The following ROBO2 variants were observed in gnomAD, a reference collection of about 807,000 sequenced individuals.
ROBO2 encodes the protein roundabout guidance receptor 2, also known as roundabout homolog 2.
ROBO2 carries 53 observed loss-of-function variants against 160.8 expected under a neutral mutation model. The ratio of observed to expected loss-of-function variants is 0.33; its 90% CI spans 0.26 to 0.41. The LOEUF is 0.41. Among genes scored for constraint, ROBO2 ranks in the 10% least tolerant of loss-of-function variants. The pLI is 1.00. For synonymous variants in ROBO2, 664 were observed against 611.7 expected (o/e 1.09, Z -1.26); for missense variants, 1,577 against 1,722.4 (o/e 0.92, Z 1.49).
At chr3:77,361,478 A>G (rs751452999) in intron 2 of ROBO2, among the ~76,000 whole-genome samples, 83 of 152,298 alleles carry the variant, frequency 5.4e-4, no homozygotes, top group Non-Finnish European at 1.0e-3. Flanking sequence ...TCAGGTTGCT[A>G]TAAGAAAGAC....
chr3:77,153,003 T>C (rs1009919259), intron 2 of ROBO2, among the ~76,000 whole-genome samples: 1 of 152,190 alleles, frequency 6.6e-6, no homozygotes, highest in African/African-American at 2.4e-5. Context: ...ACATTTTATA[T>C]AAATGGAATT....
chr3:77,304,096 A>G (rs1391755027), intron 2 of ROBO2, among the ~76,000 whole-genome samples: 1 of 152,170 alleles, frequency 6.6e-6, no homozygotes, highest in African/African-American at 2.4e-5. Flanking sequence ...AGGACCAGCC[A>G]TGGACATATG....
intron 2 of ROBO2, among the ~76,000 whole-genome samples, chr3:76,715,310 C>T (rs2093362207): frequency 6.6e-6 from 1 of 152,114 alleles, no homozygotes; most frequent in South Asian, 2.1e-4. Context: ...ATACCACCAC[C>T]ACTAACATCA....
intron 2 of ROBO2, among the ~76,000 whole-genome samples, chr3:76,775,187 T>C (rs2062164577): frequency 6.6e-6 from 1 of 150,736 alleles, no homozygotes; most frequent in Non-Finnish European, 1.5e-5. Flanking sequence ...TCCTAATGGA[T>C]ACCTAACTGC....
At chr3:77,225,741 A>C (rs935710440) in intron 2 of ROBO2, among the ~76,000 whole-genome samples, 2 of 152,184 alleles carry the variant, frequency 1.3e-5, no homozygotes, top group African/African-American at 4.8e-5. Context: ...AAATACACTT[A>C]ATAGTGTAAA....
intron 16 of ROBO2, among the ~76,000 whole-genome samples, chr3:77,583,152 C>CAAAAAAAAAAAAAAAAA (rs56827523): frequency 1.9e-5 from 1 of 53,770 alleles, no homozygotes. Flanking sequence ...TCTGTCTCTC[C>CAAAAAAAAAAAAAAAAA]AAAAAAAAAA....
intron 1 of ROBO2, among the ~76,000 whole-genome samples, chr3:75,912,938 A>G (rs1162058759): frequency 1.3e-5 from 2 of 152,220 alleles, no homozygotes; most frequent in East Asian, 1.9e-4. Flanking sequence ...TACTGCTGCT[A>G]TAACAAATTA....
In ROBO2 at chr3:77,647,068, C is replaced by T. The variant is rs886058880; in HGVS notation, c.*1013C>T. On this transcript the variant is annotated 3_prime_UTR_variant, in exon 26 of 26. Coordinates refer to ENST00000461745, the Ensembl canonical transcript of ROBO2. ...ACAAAATGAACTCTAGAATATCTAG[C>T]AAATAGTTAAAGAAGCAATTTATTA... 17 of 152,432 alleles carry T rather than the reference C, an allele frequency of 1.1e-4. No individual in the cohort carries two copies. Among genetic ancestry groups the T allele is most frequent in the Non-Finnish European group, 1.9e-4 (13 of 67,950 alleles). 9.4% of individuals were successfully genotyped at this position (152,432 alleles called of 1,614,324 possible).
At chr3:76,166,443 C>T (rs2072841368) in intron 2 of ROBO2, among the ~76,000 whole-genome samples, 1 of 152,132 alleles carries the variant, frequency 6.6e-6, no homozygotes, top group Admixed American at 6.6e-5. Flanking sequence ...TCCTCATCAT[C>T]GTCTAATTTA....
chr3:76,153,436 G>GT (rs909467732), intron 2 of ROBO2, among the ~76,000 whole-genome samples: 1 of 152,128 alleles, frequency 6.6e-6, no homozygotes, highest in African/African-American at 2.4e-5. Context: ...AAAGCATTGA[G>GT]TTTTTTGTTG....
chr3:76,605,671 T>C (rs979679837), intron 2 of ROBO2, among the ~76,000 whole-genome samples: 15 of 152,076 alleles, frequency 9.9e-5, no homozygotes, highest in African/African-American at 1.2e-4. Context: ...GGATAATAGA[T>C]TTGTAAATCA....
intron 2 of ROBO2, among the ~76,000 whole-genome samples, chr3:76,015,039 C>T (rs1176564475): frequency 6.6e-6 from 1 of 152,162 alleles, no homozygotes; most frequent in African/African-American, 2.4e-5. Flanking sequence ...TGGTATCATT[C>T]TGTGTATTCA....
intron 2 of ROBO2, among the ~76,000 whole-genome samples, chr3:77,192,915 A>G (rs1250964869): frequency 6.6e-6 from 1 of 151,962 alleles, no homozygotes; most frequent in Non-Finnish European, 1.5e-5. Context: ...CAGTCTCCAA[A>G]AGTGCTGGGA....
At chr3:76,190,021 T>G (rs962437661) in intron 2 of ROBO2, among the ~76,000 whole-genome samples, 1 of 152,116 alleles carries the variant, frequency 6.6e-6, no homozygotes, top group Non-Finnish European at 1.5e-5. Flanking sequence ...TGTTCAGCTG[T>G]ATTTTTTTGA....
intron 2 of ROBO2, among the ~76,000 whole-genome samples, chr3:76,409,014 T>C (rs1254333846): frequency 6.6e-6 from 1 of 151,988 alleles, no homozygotes; most frequent in Non-Finnish European, 1.5e-5. Flanking sequence ...ACTGGGGTAT[T>C]AATATGTGAA....
At chr3:76,679,191 C>A (rs1221690035) in intron 2 of ROBO2, among the ~76,000 whole-genome samples, 2 of 152,136 alleles carry the variant, frequency 1.3e-5, no homozygotes, top group Non-Finnish European at 2.9e-5. Context: ...ATAACACCCT[C>A]ATTTTTTAAT....
chr3:77,549,551 A>T (rs898513896), intron 7 of ROBO2, among the ~76,000 whole-genome samples: 1 of 152,008 alleles, frequency 6.6e-6, no homozygotes, highest in African/African-American at 2.4e-5. Context: ...CTCGTTTTAG[A>T]CGGAGTTTAA....
chr3:76,328,077 T>G (rs1488091629), intron 2 of ROBO2, among the ~76,000 whole-genome samples: 3 of 152,240 alleles, frequency 2.0e-5, no homozygotes, highest in African/African-American at 4.8e-5. Flanking sequence ...AATTGATTCT[T>G]TAAGAAGTCC....
In ROBO2 at chr3:76,264,782, T is replaced by C. The variant is rs183060656; in HGVS notation, c.109+327180T>C. 2.3e-3 allele frequency among the ~76,000 whole-genome samples: 351 copies of C among 152,270 alleles called. 3 individuals carry two copies. Among genetic ancestry groups the C allele is most frequent in the African/African-American group, 8.1e-3 (336 of 41,568 alleles). On this transcript the variant is annotated intron_variant, in intron 2 of 26. Transcript: ENST00000487694. ...CTTGTCCCTGTGTAGTAGTAGCCCA[T>C]ACTACTCTTCTCAGGGCCTCAGGAA...
Sources: gnomAD v4.1 joint callset for allele counts (sites outside exome capture counted in the v4.1 genomes callset) on GRCh38, gnomAD v4.1.1 for gene constraint, MANE v1.5 for transcripts, NCBI Gene and HGNC (gene_info 2026-07-23, HGNC 2026-07-21) for gene names.